Variants in TMOD3 observed in about 807,000 individuals in gnomAD.
The protein encoded by TMOD3 is tropomodulin-3.
In TMOD3, 20 loss-of-function variants were observed where a neutral mutation model predicts 39.2. The observed-to-expected ratio is 0.51, with a 90% CI of 0.36 to 0.74. The LOEUF is 0.74. TMOD3 is among the 30% of genes least tolerant of loss of function. The pLI, the probability that TMOD3 is intolerant of heterozygous loss-of-function variation, is 0.00. For missense variants in TMOD3, 381 were observed against 412.8 expected, an observed-to-expected ratio of 0.92 and a Z score of 0.67; for synonymous variants, 143 against 145.8, an observed-to-expected ratio of 0.98 and a Z score of 0.14.
At chr15:51,891,371 A>G (rs575004304) in intron 5 of TMOD3, among the ~76,000 whole-genome samples, 2 of 150,174 alleles carry the variant, frequency 1.3e-5, no homozygotes, top group East Asian at 3.9e-4. Flanking sequence ...TCTATCACCT[A>G]TGTTTCTGTA....
chr15:51,902,863 G>A (rs2056659576), intron 9 of TMOD3, among the ~76,000 whole-genome samples: 2 of 151,424 alleles, frequency 1.3e-5, no homozygotes, highest in Admixed American at 1.3e-4. Context: ...GTGTTAGCCA[G>A]GATGGTCTCG....
intron 6 of TMOD3, 117 bp downstream of exon 6, chr15:51,894,062 C>A: frequency 1.1e-6 from 1 of 889,004 alleles, no homozygotes; most frequent in Non-Finnish European, 1.6e-6. Context: ...AGTTTTTGCT[C>A]TTACCAGTAT....
At chr15:51,908,407 C>A (rs1280228474) in intron 9 of TMOD3, among the ~76,000 whole-genome samples, 1 of 152,180 alleles carries the variant, frequency 6.6e-6, no homozygotes, top group East Asian at 1.9e-4. Flanking sequence ...GACCTAATGT[C>A]TGTTTTATTA....
chr15:51,866,206 G>T (rs1322537968), intron 2 of TMOD3, among the ~76,000 whole-genome samples: 1 of 152,126 alleles, frequency 6.6e-6, no homozygotes, highest in Admixed American at 6.5e-5. Flanking sequence ...TGTAATCCTA[G>T]CATTTTGGGA....
intron 1 of TMOD3, among the ~76,000 whole-genome samples, chr15:51,833,979 A>G (rs1335300686): frequency 1.3e-5 from 2 of 152,224 alleles, no homozygotes; most frequent in Non-Finnish European, 2.9e-5. Flanking sequence ...TAGTCACACT[A>G]CAGGATGTAT....
intron 9 of TMOD3, among the ~76,000 whole-genome samples, chr15:51,908,574 A>G (rs2056693779): frequency 1.3e-5 from 2 of 151,514 alleles, no homozygotes; most frequent in African/African-American, 4.8e-5. Context: ...TTGGTTCTCA[A>G]CAAGTAAATG....
intron 2 of TMOD3, among the ~76,000 whole-genome samples, chr15:51,867,040 T>A (rs1165190179): frequency 2.6e-5 from 4 of 151,616 alleles, no homozygotes; most frequent in Non-Finnish European, 5.9e-5. Flanking sequence ...ACCACACACA[T>A]AGAGGCCTGG....
At chr15:51,878,796 CT>C (rs909028020) in intron 3 of TMOD3, among the ~76,000 whole-genome samples, 3 of 152,104 alleles carry the variant, frequency 2.0e-5, no homozygotes, top group Non-Finnish European at 4.4e-5. Flanking sequence ...CACAAAGCCT[CT>C]TGGAGATTAT....
At chr15:51,854,319 A>G (rs1205191172) in intron 1 of TMOD3, among the ~76,000 whole-genome samples, 1 of 152,234 alleles carries the variant, frequency 6.6e-6, no homozygotes, top group Non-Finnish European at 1.5e-5. Context: ...ATTTACAAAG[A>G]CAGGCAGCAG....
At chr15:51,852,111 G>A (rs950805628) in intron 1 of TMOD3, among the ~76,000 whole-genome samples, 11 of 152,190 alleles carry the variant, frequency 7.2e-5, no homozygotes, top group Non-Finnish European at 1.6e-4. Context: ...CAGGGAGCTT[G>A]TCTGTCTTGT....
At chr15:51,868,788 A>G (rs2056460278) in intron 2 of TMOD3, among the ~76,000 whole-genome samples, 1 of 152,206 alleles carries the variant, frequency 6.6e-6, no homozygotes, top group African/African-American at 2.4e-5. Flanking sequence ...TCTGGCCAAC[A>G]TGGCAAAACC....
chr15:51,896,585 TGATTTTTATGAACAA>T (rs2056622230), intron 7 of TMOD3, 59 bp downstream of exon 7: 1 of 1,259,750 alleles, frequency 7.9e-7, no homozygotes, highest in South Asian at 1.3e-5. Context: ...GTTACAGTGG[TGATTTTTATGAACAA>T]GATTTACCCC....
intron 2 of TMOD3, 66 bp from the exon 3 acceptor site, chr15:51,869,151 A>G: frequency 6.5e-7 from 1 of 1,535,042 alleles, no homozygotes; most frequent in South Asian, 1.2e-5. Flanking sequence ...TATATGGGTA[A>G]TCTTCGGAAG....
chr15:51,896,724 C>A (rs1260016110), intron 7 of TMOD3, among the ~76,000 whole-genome samples, 198 bp downstream of exon 7: 1 of 151,886 alleles, frequency 6.6e-6, no homozygotes, highest in Non-Finnish European at 1.5e-5. Flanking sequence ...TCCCAGCTTC[C>A]CCCTCCTTCC....
chr15:51,878,670 C>G (rs1464214811), intron 3 of TMOD3, among the ~76,000 whole-genome samples: 1 of 152,182 alleles, frequency 6.6e-6, no homozygotes, highest in African/African-American at 2.4e-5. Flanking sequence ...GTTGCAGCAT[C>G]AAGCAGGTGT....
intron 1 of TMOD3, among the ~76,000 whole-genome samples, chr15:51,856,776 G>A (rs1472020714): frequency 6.6e-6 from 1 of 152,134 alleles, no homozygotes; most frequent in Non-Finnish European, 1.5e-5. Flanking sequence ...TACCAACAAT[G>A]AGCAAGGATG....
chr15:51,905,720 G>A (rs912526701), intron 9 of TMOD3, among the ~76,000 whole-genome samples: 7 of 152,020 alleles, frequency 4.6e-5, no homozygotes, highest in African/African-American at 1.2e-4. Flanking sequence ...TAATGGTGGC[G>A]TATTGACAAC....
chr15:51,854,245 T>C (rs78810532), intron 1 of TMOD3, among the ~76,000 whole-genome samples: 5,597 of 152,306 alleles, frequency 0.037, 134 homozygotes, highest in Non-Finnish European at 0.05. Flanking sequence ...GCTCTGTCAT[T>C]GTAGCACAAA....
Position 51,862,773 on chromosome 15 carries a change from C to G in TMOD3, c.-74-38C>G. 2 of 1,032,106 alleles carry G rather than the reference C, an allele frequency of 1.9e-6. 1 individual carries two copies. The highest frequency in any genetic ancestry group is 4.2e-5 in the South Asian group (2 of 47,952). 63.9% of individuals were successfully genotyped at this position (1,032,106 alleles called of 1,614,324 possible). ...ATTAGATCTAAGTAGGTGGAGATGA[C>G]TTACTATTTAAAATGTATTTGTTTC... is the stretch of plus-strand genomic sequence containing the variant. On this transcript the variant is annotated intron_variant, in intron 1 of 9. Transcript: ENST00000308580.
Sources: allele counts gnomAD v4.1 joint callset (sites outside exome capture counted in the v4.1 genomes callset), GRCh38; gene constraint gnomAD v4.1.1; transcripts MANE v1.5; gene names NCBI Gene and HGNC (gene_info 2026-07-23, HGNC 2026-07-21).